The following UGT1A7 variants were observed in gnomAD, a reference collection of about 807,000 sequenced individuals.
The protein encoded by UGT1A7 is UDP glucuronosyltransferase family 1 member A7.
Under a neutral mutation model 45.6 loss-of-function variants are expected in UGT1A7, and 33 were observed. The ratio of observed to expected loss-of-function variants is 0.72; its 90% CI spans 0.55 to 0.97. UGT1A7 has a LOEUF of 0.97. UGT1A7 is among the 50% of genes least tolerant of loss of function. UGT1A7 has a pLI of 0.00. For synonymous variants in UGT1A7, 274 were observed against 250.6 expected, an observed-to-expected ratio of 1.09 and a Z score of -0.88; for missense variants, 684 against 666.2, an observed-to-expected ratio of 1.03 and a Z score of -0.29.
In UGT1A7 at chr2:233,729,717, A is replaced by G. The variant is rs147416875; in HGVS notation, c.856-37317A>G. Reference sequence around the variant, plus strand: ...ACCCTTCCTCCTATATTCCTAGATTACTAACAACCAATTCAGACCACATGA... The same window carrying G: ...ACCCTTCCTCCTATATTCCTAGATTGCTAACAACCAATTCAGACCACATGA... On this transcript the variant is annotated intron_variant, in intron 1 of 4. Transcript: ENST00000373426. 5.1e-5 allele frequency: 83 copies of G among 1,613,846 alleles called. 1 individual carries two copies. The highest frequency in any genetic ancestry group is 5.2e-5 in the Non-Finnish European group (61 of 1,179,886).
intron 1 of UGT1A7, among the ~76,000 whole-genome samples, chr2:233,731,055 A>C (rs1216603492): frequency 1.3e-5 from 2 of 152,192 alleles, no homozygotes; most frequent in East Asian, 1.9e-4. Flanking sequence ...AATGTGTATG[A>C]ACTTCCATGA....
At chr2:233,732,867 G>A (rs368077438) in intron 1 of UGT1A7, among the ~76,000 whole-genome samples, 9 of 150,836 alleles carry the variant, frequency 6.0e-5, no homozygotes, top group South Asian at 4.2e-4. Context: ...GTAGCTTGAT[G>A]GGTTTGGCAT....
chr2:233,769,855 C>T lies in UGT1A7; in HGVS notation c.1295+1416C>T. The T allele has an allele frequency of 2.7e-6, 1 of 372,078 alleles. No individual in the cohort carries two copies. The highest frequency in any genetic ancestry group is 4.4e-6 in the Non-Finnish European group (1 of 226,694). The allele number at this position is 372,078 out of a possible 1,614,324, so 23.0% of individuals were successfully genotyped here. On this transcript the variant is annotated intron_variant, in intron 4 of 4. Coordinates refer to ENST00000373426, the MANE Select transcript of UGT1A7 (RefSeq NM_019077.3). The surrounding 1 kb of genome is among the most constrained non-coding windows in gnomAD (Gnocchi z 4.4). ...CCTGGGCAACAGAGTGAGACCCTGT[C>T]TCAAAAAAAAAAAAAAAAATGAAAA...
chr2:233,714,585 C>A (rs1055592636), intron 1 of UGT1A7, among the ~76,000 whole-genome samples: 7 of 152,290 alleles, frequency 4.6e-5, no homozygotes, highest in African/African-American at 1.7e-4. Context: ...ATAATTTAAA[C>A]TTTTCTAGTG....
At chr2:233,750,117 G>T (rs1441169579) in intron 1 of UGT1A7, among the ~76,000 whole-genome samples, 2 of 151,904 alleles carry the variant, frequency 1.3e-5, no homozygotes, top group East Asian at 1.9e-4. Flanking sequence ...AAGACAGGAA[G>T]ATGTGGGAAA....
At chr2:233,700,335 A>C (rs923955753) in intron 1 of UGT1A7, among the ~76,000 whole-genome samples, 1 of 152,208 alleles carries the variant, frequency 6.6e-6, no homozygotes, top group Non-Finnish European at 1.5e-5. Context: ...CCTCTCTTTC[A>C]AAACCCTGTG....
rs1228021328 is a variant in UGT1A7, at chr2:233,772,590, A to G, written c.*31A>G. The G allele has an allele frequency of 2.5e-6, 4 of 1,602,300 alleles. No homozygotes were observed. Among genetic ancestry groups the G allele is most frequent in the Non-Finnish European group, 2.6e-6 (3 of 1,173,678 alleles). ...GGGTGGGAAATAAGGTAAAATTTTG[A>G]ACCATTCCCTAGTCATTTCCAAACT... is the stretch of plus-strand genomic sequence containing the variant. On this transcript the variant is annotated 3_prime_UTR_variant, in exon 5 of 5. Transcript: ENST00000373426.
At chr2:233,728,633 A>G (rs1305532869) in intron 1 of UGT1A7, among the ~76,000 whole-genome samples, 1 of 152,194 alleles carries the variant, frequency 6.6e-6, no homozygotes, top group Non-Finnish European at 1.5e-5. Flanking sequence ...CTGGCTTAGC[A>G]ATGTTGTATG....
In UGT1A7 at chr2:233,772,247, T is replaced by C. The variant is rs192933567; in HGVS notation, c.1296-15T>C. The C allele has an allele frequency of 3.1e-6, 5 of 1,614,090 alleles. No individual in the cohort carries two copies. In the African/African-American group the frequency reaches 5.3e-5, roughly 17 times the overall value. On this transcript the variant is annotated splice_polypyrimidine_tract_variant and intron_variant, in intron 4 of 4. Transcript: ENST00000373426. ...ACAGGTGTTCCAGGCATAACGAAAC[T>C]GTCTTTGTGTTTAGTTACAAGGAGA...
Position 233,769,475 on chromosome 2 carries a change from G to T in UGT1A7, c.1295+1036G>T. On this transcript the variant is annotated intron_variant, in intron 4 of 4. Coordinates refer to ENST00000373426, the MANE Select transcript of UGT1A7 (RefSeq NM_019077.3). The surrounding 1 kb of genome is among the most constrained non-coding windows in gnomAD (Gnocchi z 4.4). Reference sequence around the variant, plus strand: ...TGTGCATTCATATGCGTGTGTGTGTGTGTGCGTGTGTTTATGAGAGTGTCC... The same window carrying T: ...TGTGCATTCATATGCGTGTGTGTGTTTGTGCGTGTGTTTATGAGAGTGTCC... 6.2e-7 allele frequency: 1 copy of T among 1,611,166 alleles called. No homozygotes were observed.
chr2:233,764,964 G>A (rs1018241082), intron 1 of UGT1A7, among the ~76,000 whole-genome samples: 15 of 152,140 alleles, frequency 9.9e-5, no homozygotes, highest in Non-Finnish European at 2.9e-5. Context: ...CTCACCTTGG[G>A]AGAAGGATGG....
intron 1 of UGT1A7, chr2:233,742,641 A>G (rs1692051746): frequency 1.3e-5 from 2 of 152,170 alleles, no homozygotes. Flanking sequence ...GTCCTAGTAT[A>G]CCACCGACCA....
chr2:233,712,259 G>A (rs763507472), intron 1 of UGT1A7, among the ~76,000 whole-genome samples: 18 of 152,230 alleles, frequency 1.2e-4, no homozygotes, highest in Non-Finnish European at 1.9e-4. Context: ...TCTTGCACAT[G>A]TGTGCTTTAG....
At chr2:233,767,735 C>A in intron 2 of UGT1A7, 114 bp from the exon 3 acceptor site, 2 of 1,569,354 alleles carry the variant, frequency 1.3e-6, no homozygotes, top group Non-Finnish European at 1.7e-6. Flanking sequence ...GATCCTCCCA[C>A]TCTGTTAAAG....
chr2:233,739,008 T>C (rs1430369611), intron 1 of UGT1A7: 2 of 152,268 alleles, frequency 1.3e-5, no homozygotes, highest in Admixed American at 6.5e-5. Context: ...TGTGTCCCAG[T>C]GGCTCCAGCC....
chr2:233,720,775 C>T (rs1334644827), intron 1 of UGT1A7, among the ~76,000 whole-genome samples: 5 of 151,426 alleles, frequency 3.3e-5, no homozygotes, highest in African/African-American at 4.9e-5. Flanking sequence ...GCCGGATCTC[C>T]GCTCACTGCA....
In UGT1A7 at chr2:233,682,549, G is replaced by C. The variant is rs147392032; in HGVS notation, c.612G>C (p.Lys204Asn). The change falls in exon 1 of 5, where the codon AAG (lysine) becomes AAC (asparagine). Residue 204 changes from lysine (K) to asparagine (N), a missense_variant. Coordinates refer to ENST00000373426, the MANE Select transcript of UGT1A7 (RefSeq NM_019077.3). Reference protein sequence around the residue: ...LLGFSDAMTFKERVWNHIMHL... With the variant: ...LLGFSDAMTFNERVWNHIMHL... ...GGTTCTCAGACGCCATGACTTTCAA[G>C]GAGAGAGTATGGAACCACATCATGC... is the stretch of plus-strand genomic sequence containing the variant. The C allele has an allele frequency of 6.2e-7, 1 of 1,613,912 alleles. No individual in the cohort carries two copies. The highest frequency in any genetic ancestry group is 8.5e-7 in the Non-Finnish European group (1 of 1,179,850).
intron 1 of UGT1A7, chr2:233,719,097 A>G (rs780928839): frequency 1.2e-6 from 2 of 1,614,264 alleles, no homozygotes; most frequent in Non-Finnish European, 1.7e-6. Context: ...TGATCGCGTT[A>G]CGCTGGGCTA....
At chr2:233,744,078 C>T (rs1450419320) in intron 1 of UGT1A7, 2 of 455,950 alleles carry the variant, frequency 4.4e-6, no homozygotes, top group Non-Finnish European at 7.4e-6. Context: ...CGCCTCGCAT[C>T]CCAAGATGCA....
Sources: gnomAD v4.1 joint callset for allele counts (sites outside exome capture counted in the v4.1 genomes callset) on GRCh38, gnomAD v4.1.1 for gene constraint, Gnocchi (gnomAD v3.1) non-coding constraint, MANE v1.5 for transcripts, NCBI Gene and HGNC (gene_info 2026-07-23, HGNC 2026-07-21) for gene names.